Variants in SLFN12 observed in about 807,000 individuals in gnomAD.
SLFN12 encodes the protein schlafen family member 12.
In SLFN12, 25 loss-of-function variants were observed where a neutral mutation model predicts 29.1. The ratio of observed to expected loss-of-function variants is 0.86; its 90% CI spans 0.63 to 1.20. SLFN12 has a LOEUF of 1.20. Ranked by LOEUF, SLFN12 falls within the 50% of genes most tolerant of loss-of-function variation. SLFN12 has a pLI of 0.00. For missense variants in SLFN12, 660 were observed against 666.2 expected (o/e 0.99, Z 0.10); for synonymous variants, 257 against 238.7 (o/e 1.08, Z -0.71).
At chr17:35,413,203 A>T (rs1911128488) in intron 3 of SLFN12, among the ~76,000 whole-genome samples, 1 of 152,138 alleles carries the variant, frequency 6.6e-6, no homozygotes, top group African/African-American at 2.4e-5. Flanking sequence ...AAACAATTAT[A>T]GTTTTTTCAA....
chr17:35,422,700 C>T lies in SLFN12; in HGVS notation c.329G>A (p.Trp110Ter). 6.2e-7 allele frequency: 1 copy of T among 1,614,094 alleles called. No homozygotes were observed. The highest frequency in any genetic ancestry group is 8.5e-7 in the Non-Finnish European group (1 of 1,180,008). ...GNYFLIFVKS[W>*]SLNTSGLRIT... Reference sequence around the variant, plus strand: ...CCGCAGACCAGAGGTGTTCAAGCTCCATGACTTCACAAAAATCAGAAAGTA... The same window carrying T: ...CCGCAGACCAGAGGTGTTCAAGCTCTATGACTTCACAAAAATCAGAAAGTA... Residue 110 changes from tryptophan to a stop codon, truncating the protein, a stop_gained, in exon 2 of 4, where the codon TGG becomes TAG. Coordinates refer to ENST00000304905, the MANE Select transcript of SLFN12 (RefSeq NM_018042.5). LOFTEE classifies it high-confidence loss of function.
At chr17:35,413,432 A>C (rs188442129) in intron 3 of SLFN12, among the ~76,000 whole-genome samples, 3 of 152,246 alleles carry the variant, frequency 2.0e-5, no homozygotes, top group Admixed American at 2.0e-4. Flanking sequence ...AATGCTAGCA[A>C]ACCAAATTCA....
intron 3 of SLFN12, among the ~76,000 whole-genome samples, chr17:35,413,105 T>C (rs866274686): frequency 9.3e-5 from 14 of 150,638 alleles, no homozygotes; most frequent in Middle Eastern, 6.8e-3. Flanking sequence ...ATAAGAGATA[T>C]ATCCGAAACT....
chr17:35,417,738 G>A (rs952796808), intron 3 of SLFN12, among the ~76,000 whole-genome samples: 16 of 151,840 alleles, frequency 1.1e-4, no homozygotes, highest in African/African-American at 3.4e-4. Flanking sequence ...AATAATCTAT[G>A]GACAGATTAT....
intron 1 of SLFN12, among the ~76,000 whole-genome samples, chr17:35,429,748 A>C (rs1024243756): frequency 2.0e-5 from 3 of 152,032 alleles, no homozygotes; most frequent in Non-Finnish European, 4.4e-5. Context: ...GTCACTTTGC[A>C]TTTAGTTCAG....
At position 35,422,432 on chromosome 17, in the gene SLFN12, A is replaced by G. The variant is rs1597779109; in HGVS notation, c.597T>C (p.Thr199=). 1 of 1,613,046 alleles carries G rather than the reference A, an allele frequency of 6.2e-7. No homozygotes were observed. The highest frequency in any genetic ancestry group is 8.5e-7 in the Non-Finnish European group (1 of 1,179,774). ...ELDRKEKLTF[T]ESTHVEIKNF... The stretch of plus-strand genomic sequence containing the variant: ...TTTTAATTTCAACATGTGTGGATTC[A>G]GTAAAGGTCAATTTTTCTTTCCGAT... The change falls in exon 2 of 4, where the codon ACT becomes ACC. Residue 199 remains threonine (T), a synonymous_variant. Coordinates refer to ENST00000304905, the MANE Select transcript of SLFN12 (RefSeq NM_018042.5).
chr17:35,422,597 C>T lies in SLFN12; in HGVS notation c.432G>A (p.Glu144=), dbSNP rs776922106. 1 of 1,614,032 alleles carries T rather than the reference C, an allele frequency of 6.2e-7. No homozygotes were observed. The highest frequency in any genetic ancestry group is 2.2e-5 in the East Asian group (1 of 44,886). Residue 144 remains glutamate, a synonymous_variant, in exon 2 of 4, where the codon GAG becomes GAA. Transcript: ENST00000304905. The part of the protein sequence containing the change: ...AKVMNATAAL[E]FLKDMKKTRG... The stretch of plus-strand genomic sequence containing the variant: ...TAGTCTTTTTCATGTCTTTGAGGAA[C>T]TCCAGTGCAGCAGTGGCATTCATGA...
Position 35,411,217 on chromosome 17 carries a change from T to C in SLFN12, c.*121A>G, listed in dbSNP as rs1394047596. 1 of 690,320 alleles carries C rather than the reference T, an allele frequency of 1.4e-6. No homozygotes were observed. The highest frequency in any genetic ancestry group is 2.3e-6 in the Non-Finnish European group (1 of 428,296). 42.8% of individuals were successfully genotyped at this position (690,320 alleles called of 1,614,324 possible). A position where few individuals can be genotyped will look rare whatever the true frequency, so the allele number is the denominator to read the frequency against. ...AGAAGTGAAAATAGACAAAACCCAATTATCCAACATCACATTAAGTTGCTT... is the reference window on the plus strand; with the variant it reads ...AGAAGTGAAAATAGACAAAACCCAACTATCCAACATCACATTAAGTTGCTT... On this transcript the variant is annotated 3_prime_UTR_variant, in exon 4 of 4. Transcript: ENST00000304905.
intron 1 of SLFN12, among the ~76,000 whole-genome samples, chr17:35,427,519 A>G (rs1015368151): frequency 6.6e-6 from 1 of 152,098 alleles, no homozygotes; most frequent in African/African-American, 2.4e-5. Flanking sequence ...CTGTATTTCT[A>G]TTATTTCACA....
chr17:35,425,838 C>CTTTTCTTT (rs1911984311), intron 1 of SLFN12, among the ~76,000 whole-genome samples: 2 of 39,146 alleles, frequency 5.1e-5, no homozygotes, highest in Non-Finnish European at 4.6e-5. Flanking sequence ...CTTTTCTTTT[C>CTTTTCTTT]TTTTTTTTTT....
At position 35,411,186 on chromosome 17, in the gene SLFN12, T is replaced by G. The variant is rs1910976612; in HGVS notation, c.*152A>C. 2 of 569,826 alleles carry G rather than the reference T, an allele frequency of 3.5e-6. No individual in the cohort carries two copies. Among genetic ancestry groups the G allele is most frequent in the African/African-American group, 1.9e-5 (1 of 53,048 alleles). 35.3% of individuals were successfully genotyped at this position (569,826 alleles called of 1,614,324 possible). A position where few individuals can be genotyped will look rare whatever the true frequency, so the allele number is the denominator to read the frequency against. On this transcript the variant is annotated 3_prime_UTR_variant, in exon 4 of 4. Transcript: ENST00000304905. Reference sequence around the variant, plus strand: ...CTCAAACAATATCTGTGAAGATTATTTAGGGAGAAGTGAAAATAGACAAAA... The same window carrying G: ...CTCAAACAATATCTGTGAAGATTATGTAGGGAGAAGTGAAAATAGACAAAA...
chr17:35,428,606 C>G (rs945517099), intron 1 of SLFN12, among the ~76,000 whole-genome samples: 1 of 152,050 alleles, frequency 6.6e-6, no homozygotes, highest in African/African-American at 2.4e-5. Flanking sequence ...AATAGGCTCC[C>G]TGGGCCTGGG....
chr17:35,425,838 CTTT>C (rs58492425), intron 1 of SLFN12, among the ~76,000 whole-genome samples: 9 of 39,140 alleles, frequency 2.3e-4, no homozygotes, highest in African/African-American at 1.0e-3. Flanking sequence ...CTTTTCTTTT[CTTT>C]TTTTTTTTTT....
Position 35,422,009 on chromosome 17 carries a change from G to A in SLFN12, c.1020C>T (p.Phe340=). The change falls in exon 2 of 4, where the codon TTC becomes TTT. Residue 340 remains phenylalanine (F), a synonymous_variant. Coordinates refer to ENST00000304905, the MANE Select transcript of SLFN12 (RefSeq NM_018042.5). ...MQLTRKEWIQ[F]MVEAEPKFSS... is the part of the protein sequence containing the mutation. ...CTCAACTTGGTTCAGCCTCCACCAT[G>A]AACTGGATCCATTCCTTCCTGGTCA... 6.2e-7 allele frequency: 1 copy of A among 1,613,868 alleles called. No individual in the cohort carries two copies. Among genetic ancestry groups the A allele is most frequent in the Non-Finnish European group, 8.5e-7 (1 of 1,179,876 alleles).
rs145181126 is a variant in SLFN12 at position 35,411,401 on chromosome 17, G to C, written c.1674C>G (p.Ile558Met). Reference sequence around the variant, plus strand: ...CATTCTTCTGAAAGCAATCTATACCGATTATCTGGTATAGATTTTCTGCAA... The same window carrying C: ...CATTCTTCTGAAAGCAATCTATACCCATTATCTGGTATAGATTTTCTGCAA... ...FSFAENLYQI[I>M]GIDCFQKNDK... The change falls in exon 4 of 4, where the codon ATC (isoleucine) becomes ATG (methionine). Residue 558 changes from isoleucine (I) to methionine (M), a missense_variant. Transcript: ENST00000304905. The C allele has an allele frequency of 1.6e-5, 25 of 1,603,724 alleles. No homozygotes were observed. The African/African-American group carries it at 3.4e-4, about 22-fold the overall frequency.
chr17:35,419,220 G>T (rs1474508497), intron 3 of SLFN12, among the ~76,000 whole-genome samples: 1 of 152,038 alleles, frequency 6.6e-6, no homozygotes, highest in East Asian at 1.9e-4. Context: ...GATCTCTTAT[G>T]CAAGGCACAA....
intron 3 of SLFN12, among the ~76,000 whole-genome samples, chr17:35,416,638 G>C (rs1911331247): frequency 6.6e-6 from 1 of 152,060 alleles, no homozygotes. Flanking sequence ...CTGAAATAAG[G>C]ATCTGAAATA....
At chr17:35,421,424 G>A (rs960231170) in intron 2 of SLFN12, among the ~76,000 whole-genome samples, 5 of 151,230 alleles carry the variant, frequency 3.3e-5, no homozygotes, top group Non-Finnish European at 7.4e-5. Context: ...AAACTTCCAG[G>A]TTTAATTGGG....
chr17:35,420,347 T>C lies in SLFN12; in HGVS notation c.1074A>G (p.Gln358=), dbSNP rs1431093652. The C allele has an allele frequency of 1.2e-6, 2 of 1,613,832 alleles. No homozygotes were observed. The highest frequency in any genetic ancestry group is 2.2e-5 in the South Asian group (2 of 91,066). Residue 358 remains glutamine (Q), a synonymous_variant, in exon 3 of 4, where the codon CAA becomes CAG. Coordinates refer to ENST00000304905, the MANE Select transcript of SLFN12 (RefSeq NM_018042.5). ...FSSSYEEVIS[Q]INTSLPAPHS... is the part of the protein sequence containing the mutation. ...GGGGAGCAGGTAATGACGTATTTATTTGAGAGATCACCTCTTCATATGAAC... is the reference window on the plus strand; with the variant it reads ...GGGGAGCAGGTAATGACGTATTTATCTGAGAGATCACCTCTTCATATGAAC...
Sources: gnomAD v4.1 joint callset for allele counts (sites outside exome capture counted in the v4.1 genomes callset) on GRCh38, gnomAD v4.1.1 for gene constraint, MANE v1.5 for transcripts, NCBI Gene and HGNC (gene_info 2026-07-23, HGNC 2026-07-21) for gene names.